RFC3: variants seen among roughly 807,000 people sequenced by gnomAD.
RFC3 encodes the protein replication factor C subunit 3, also known as A1 38 kDa subunit.
Under a neutral mutation model 45.1 loss-of-function variants are expected in RFC3, and 41 were observed. That is an observed-to-expected ratio of 0.91 (90% CI 0.71 to 1.18). The LOEUF (loss-of-function observed/expected upper bound fraction) is 1.18, where lower values mean the gene tolerates loss of function less well. Among genes scored for constraint, RFC3 ranks in the 50% most tolerant of loss-of-function variants. The pLI, the probability that RFC3 is intolerant of heterozygous loss-of-function variation, is 0.00. For synonymous variants in RFC3, 149 were observed against 144.0 expected (o/e 1.03, Z -0.25); for missense variants, 423 against 428.1 (o/e 0.99, Z 0.10).
chr13:33,947,958 T>C (rs1420349596), intron 8 of RFC3, among the ~76,000 whole-genome samples: 1 of 152,190 alleles, frequency 6.6e-6, no homozygotes, highest in South Asian at 2.1e-4. Context: ...AGCCTGGCGA[T>C]GTGATAGAAA....
downstream of RFC3, among the ~76,000 whole-genome samples, chr13:33,841,712 G>A (rs915285773): frequency 6.6e-6 from 1 of 152,140 alleles, no homozygotes; most frequent in Non-Finnish European, 1.5e-5. Flanking sequence ...TTGTTGAAGG[G>A]TCAACTGTAT....
chr13:33,868,434 T>TA (rs75235996), intron 8 of RFC3, among the ~76,000 whole-genome samples: 113,624 of 152,036 alleles, frequency 0.75, 45,812 homozygotes, highest in Non-Finnish European at 0.92. Context: ...AAGAGGCTAC[T>TA]AACTTTGCAC....
chr13:33,827,471 A>G (rs2082061050), intron 4 of RFC3, among the ~76,000 whole-genome samples: 1 of 152,198 alleles, frequency 6.6e-6, no homozygotes, highest in African/African-American at 2.4e-5. Flanking sequence ...TCTGTTATTA[A>G]TATTATAAGA....
chr13:33,969,909 TG>T (rs1483105372), downstream of RFC3, among the ~76,000 whole-genome samples: 6 of 150,932 alleles, frequency 4.0e-5, no homozygotes, highest in East Asian at 3.9e-4. Flanking sequence ...TTGTCAGATT[TG>T]TTTTTTTTTT....
intron 8 of RFC3, among the ~76,000 whole-genome samples, chr13:33,908,709 G>T (rs1040413741): frequency 6.6e-6 from 1 of 151,144 alleles, no homozygotes; most frequent in Non-Finnish European, 1.5e-5. Context: ...AGAATCTATA[G>T]TTTGGGCAAG....
At chr13:33,824,314 T>G (rs1394075319) in intron 3 of RFC3, among the ~76,000 whole-genome samples, 1 of 152,144 alleles carries the variant, frequency 6.6e-6, no homozygotes, top group Non-Finnish European at 1.5e-5. Context: ...TCTAAAAAGT[T>G]TACAGTGTTT....
At chr13:33,968,029 AT>A (rs201337812), downstream of RFC3, among the ~76,000 whole-genome samples, 27 of 152,320 alleles carry the variant, frequency 1.8e-4, no homozygotes, top group East Asian at 4.2e-3. Context: ...TAATGATTTT[AT>A]TGTCACCCAT....
chr13:33,921,159 T>C (rs2082766263), intron 8 of RFC3, among the ~76,000 whole-genome samples: 1 of 152,176 alleles, frequency 6.6e-6, no homozygotes, highest in African/African-American at 2.4e-5. Flanking sequence ...ATTTTCCCTG[T>C]GCTAGACTAA....
intron 8 of RFC3, among the ~76,000 whole-genome samples, chr13:33,912,201 A>T (rs1400713666): frequency 1.3e-5 from 2 of 152,080 alleles, no homozygotes; most frequent in South Asian, 4.1e-4. Context: ...CCAATTTCTC[A>T]TCATTAGTAT....
chr13:33,961,387 A>G (rs1231784758), intron 8 of RFC3, among the ~76,000 whole-genome samples: 1 of 152,080 alleles, frequency 6.6e-6, no homozygotes, highest in Non-Finnish European at 1.5e-5. Context: ...ATACAAACCT[A>G]CTGTAATTAT....
At chr13:33,880,111 C>T (rs2082473326) in intron 8 of RFC3, among the ~76,000 whole-genome samples, 1 of 152,220 alleles carries the variant, frequency 6.6e-6, no homozygotes, top group South Asian at 2.1e-4. Flanking sequence ...CTCAATTCCC[C>T]TTTATCGTGT....
intron 8 of RFC3, among the ~76,000 whole-genome samples, chr13:33,920,494 C>A (rs2137731237): frequency 6.9e-6 from 1 of 144,226 alleles, no homozygotes; most frequent in African/African-American, 2.6e-5. Context: ...AGTGGCAGGA[C>A]CATGGTTCAC....
intron 1 of RFC3, among the ~76,000 whole-genome samples, chr13:33,818,877 A>G (rs1235466732): frequency 2.2e-5 from 3 of 139,264 alleles, no homozygotes; most frequent in Non-Finnish European, 4.6e-5. Flanking sequence ...CGTTCCTGAG[A>G]TTAGTTTTTT....
At chr13:33,873,648 G>C (rs1012157446) in intron 8 of RFC3, among the ~76,000 whole-genome samples, 1 of 152,054 alleles carries the variant, frequency 6.6e-6, no homozygotes, top group Non-Finnish European at 1.5e-5. Flanking sequence ...TTGAATCTTG[G>C]GTCCACTGTT....
intron 8 of RFC3, among the ~76,000 whole-genome samples, chr13:33,870,271 A>T (rs1482532830): frequency 6.6e-6 from 1 of 152,196 alleles, no homozygotes; most frequent in Non-Finnish European, 1.5e-5. Flanking sequence ...GGGCTTGTTT[A>T]TTCAGAAGAA....
At chr13:33,834,298 GTATATATATA>G (rs58858615) in intron 7 of RFC3, among the ~76,000 whole-genome samples, 48 of 109,206 alleles carry the variant, frequency 4.4e-4, no homozygotes, top group South Asian at 2.5e-3. Context: ...TGTACTGTGT[GTATATATATA>G]TATATATATA....
At chr13:33,842,037 T>C (rs944057700), downstream of RFC3, among the ~76,000 whole-genome samples, 1 of 152,078 alleles carries the variant, frequency 6.6e-6, no homozygotes, top group African/African-American at 2.4e-5. Context: ...ATTCCAGCAC[T>C]TTGGGAGGCT....
chr13:33,853,101 T>C (rs1441626039), intron 8 of RFC3, among the ~76,000 whole-genome samples: 1 of 152,216 alleles, frequency 6.6e-6, no homozygotes, highest in East Asian at 1.9e-4. Context: ...ACCAGCTAGA[T>C]AATCTAGATT....
intron 8 of RFC3, among the ~76,000 whole-genome samples, chr13:33,939,532 AT>A (rs2082910629): frequency 6.6e-6 from 1 of 152,324 alleles, no homozygotes; most frequent in Non-Finnish European, 1.5e-5. Flanking sequence ...TTCTTCCTGC[AT>A]TGTATCCTTT....
Sources: gnomAD v4.1 joint callset for allele counts (sites outside exome capture counted in the v4.1 genomes callset) on GRCh38, gnomAD v4.1.1 for gene constraint, MANE v1.5 for transcripts, NCBI Gene and HGNC (gene_info 2026-07-23, HGNC 2026-07-21) for gene names.